The following UNC13C variants were observed in gnomAD, a reference collection of about 807,000 sequenced individuals.
UNC13C encodes the protein protein unc-13 homolog C.
UNC13C carries 174 observed loss-of-function variants against 245.4 expected under a neutral mutation model. The ratio of observed to expected loss-of-function variants is 0.71; its 90% confidence interval spans 0.63 to 0.80. The LOEUF (loss-of-function observed/expected upper bound fraction) is 0.80, where lower values mean the gene tolerates loss of function less well. Among genes scored for constraint, UNC13C ranks in the 30% least tolerant of loss-of-function variants. The probability of loss-of-function intolerance (pLI) is 0.00; values close to 1 mark genes in which losing one functional copy is unlikely to be tolerated. For missense variants in UNC13C, 2,829 were observed against 2,602.9 expected (o/e 1.09, Z -1.89); for synonymous variants, 992 against 895.1 (o/e 1.11, Z -1.93).
intron 10 of UNC13C, among the ~76,000 whole-genome samples, chr15:54,287,108 G>A (rs1039161702): frequency 6.6e-6 from 1 of 152,080 alleles, no homozygotes; most frequent in Non-Finnish European, 1.5e-5. Context: ...CCTAAACCCG[G>A]GGTCTTGGTT....
intron 2 of UNC13C, among the ~76,000 whole-genome samples, chr15:54,100,758 T>C (rs568364738): frequency 6.6e-6 from 1 of 152,190 alleles, no homozygotes; most frequent in South Asian, 2.1e-4. Flanking sequence ...TCAAAACCTT[T>C]CTTTCTACCT....
At chr15:53,950,085 T>C in the UNC13C span, among the ~76,000 whole-genome samples, 2 of 152,118 alleles carry the variant, frequency 1.3e-5, no homozygotes, top group South Asian at 4.1e-4. Context: ...AAGTACATGT[T>C]GGGGGAAAAA....
rs751811230 is a variant in UNC13C, at chr15:54,567,891, A to G, written c.6050A>G (p.Tyr2017Cys). ...LQSLRYALSL[Y>C]TQTTDALIKK... ...TCTCTGAGATATGCTCTCAGTCTTT[A>G]TACCCAAACTACTGATGCCTTGATA... Residue 2017 changes from tyrosine (Y) to cysteine (C), a missense_variant, in exon 30 of 33, where the codon TAT (tyrosine) becomes TGT (cysteine). Coordinates refer to ENST00000260323, the MANE Select transcript of UNC13C (RefSeq NM_001080534.3). The G allele has an allele frequency of 1.3e-6, 2 of 1,595,348 alleles. No homozygotes were observed. Among genetic ancestry groups the G allele is most frequent in the Non-Finnish European group, 1.7e-6 (2 of 1,169,528 alleles).
intron 19 of UNC13C, among the ~76,000 whole-genome samples, chr15:54,463,990 C>A (rs995878050): frequency 2.0e-4 from 31 of 152,074 alleles, no homozygotes; most frequent in African/African-American, 6.5e-4. Flanking sequence ...AAAATCGCAA[C>A]AAATGATAAC....
intron 26 of UNC13C, 52 bp downstream of exon 26, chr15:54,533,118 T>G (rs2141152327): frequency 7.1e-7 from 1 of 1,411,762 alleles, no homozygotes; most frequent in Non-Finnish European, 9.7e-7. Flanking sequence ...AATTTGACCT[T>G]TAAGGCTTTA....
chr15:54,287,792 A>G (rs975872012), intron 10 of UNC13C, among the ~76,000 whole-genome samples: 2 of 152,196 alleles, frequency 1.3e-5, no homozygotes, highest in Admixed American at 6.6e-5. Context: ...AGATTGTTGT[A>G]TGAGTGTACT....
chr15:54,548,669 G>C (rs185505144), intron 27 of UNC13C, among the ~76,000 whole-genome samples: 84 of 152,016 alleles, frequency 5.5e-4, no homozygotes, highest in East Asian at 5.8e-4. Flanking sequence ...TAGAATGTGA[G>C]GTTTTTCAAG....
intron 18 of UNC13C, among the ~76,000 whole-genome samples, chr15:54,393,509 A>G (rs2040006834): frequency 6.6e-6 from 1 of 151,928 alleles, no homozygotes; most frequent in African/African-American, 2.4e-5. Flanking sequence ...CCAAAACTAA[A>G]AATAATTTTG....
the UNC13C span, among the ~76,000 whole-genome samples, chr15:53,886,371 T>G: frequency 6.6e-6 from 1 of 152,056 alleles, no homozygotes; most frequent in Admixed American, 6.6e-5. Context: ...GATAGGGATA[T>G]GTCAAAGGGT....
the UNC13C span, among the ~76,000 whole-genome samples, chr15:53,870,714 C>T: frequency 6.6e-6 from 1 of 152,128 alleles, no homozygotes; most frequent in Non-Finnish European, 1.5e-5. Flanking sequence ...TCTTCACAAG[C>T]CCTCTAAAAA....
chr15:54,630,205 G>GTATT (rs1596720641), downstream of UNC13C: 2 of 152,140 alleles, frequency 1.3e-5, no homozygotes, highest in Admixed American at 1.3e-4. Flanking sequence ...CAAACACAAA[G>GTATT]TATTTAAACC....
At chr15:54,626,428 G>T (rs1596709764) in intron 32 of UNC13C, among the ~76,000 whole-genome samples, 1 of 31,652 alleles carries the variant, frequency 3.2e-5, no homozygotes, top group African/African-American at 5.8e-5. Flanking sequence ...TAAAGTGCGA[G>T]GAGTAGTAAC....
At chr15:54,380,953 GT>G (rs1368842978) in intron 17 of UNC13C, among the ~76,000 whole-genome samples, 3 of 152,080 alleles carry the variant, frequency 2.0e-5, no homozygotes, top group South Asian at 2.1e-4. Flanking sequence ...AAAGAACAAA[GT>G]TTTTGTTTAG....
the UNC13C span, among the ~76,000 whole-genome samples, chr15:53,854,174 G>A: frequency 7.2e-6 from 1 of 139,826 alleles, no homozygotes; most frequent in Non-Finnish European, 1.5e-5. Context: ...AGGCTGGAGT[G>A]CAGTGGCGCA....
intron 30 of UNC13C, among the ~76,000 whole-genome samples, chr15:54,616,858 C>G (rs1487491773): frequency 1.3e-5 from 2 of 151,994 alleles, no homozygotes; most frequent in African/African-American, 2.4e-5. Flanking sequence ...AACTTTCAAT[C>G]CCACAAGCTC....
rs532599123 is a variant in UNC13C, at chr15:54,445,569, T to C, written c.4933+30502T>C. 5.7e-3 allele frequency among the ~76,000 whole-genome samples: 868 copies of C among 152,342 alleles called. 10 individuals are homozygous for C. Among genetic ancestry groups the C allele is most frequent in the African/African-American group, 0.02 (835 of 41,568 alleles). On this transcript the variant is annotated intron_variant, in intron 19 of 32. Transcript: ENST00000260323. ...CAGTGATGATGAGCAATTTTTCATG[T>C]GTCTGTTGGCTGCATAAATGTCTTC...
the UNC13C span, among the ~76,000 whole-genome samples, chr15:53,861,985 G>C: frequency 2.0e-5 from 3 of 152,092 alleles, no homozygotes; most frequent in African/African-American, 7.2e-5. Flanking sequence ...TTAAATCTCG[G>C]CTGTGAAATG....
intron 1 of UNC13C, among the ~76,000 whole-genome samples, chr15:53,999,540 T>C (rs1894790030): frequency 6.6e-6 from 1 of 152,006 alleles, no homozygotes; most frequent in African/African-American, 2.4e-5. Flanking sequence ...ACCTATTTGT[T>C]AACTTCTGGG....
chr15:53,912,016 G>A, the UNC13C span: 2 of 152,260 alleles, frequency 1.3e-5, no homozygotes, highest in African/African-American at 4.8e-5. Flanking sequence ...TAAAGAAATG[G>A]AAGGTGCACC....
Sources: gnomAD v4.1 joint callset for allele counts (sites outside exome capture counted in the v4.1 genomes callset) on GRCh38, gnomAD v4.1.1 for gene constraint, MANE v1.5 for transcripts, NCBI Gene and HGNC (gene_info 2026-07-23, HGNC 2026-07-21) for gene names.